CFAP61: variants seen among roughly 807,000 people sequenced by gnomAD.
CFAP61 encodes the protein cilia- and flagella-associated protein 61.
CFAP61 carries 107 observed loss-of-function variants against 135.6 expected under a neutral mutation model. That is an observed-to-expected ratio of 0.79 (90% confidence interval 0.67 to 0.93). CFAP61 has a LOEUF of 0.93. CFAP61 is among the 40% of genes least tolerant of loss of function. The pLI is 0.00. For missense variants in CFAP61, 1,507 were observed against 1,556.2 expected (o/e 0.97, Z 0.53); for synonymous variants, 575 against 578.5 (o/e 0.99, Z 0.09).
intron 12 of CFAP61, among the ~76,000 whole-genome samples, chr20:20,167,973 G>T (rs2053954747): frequency 6.6e-6 from 1 of 152,140 alleles, no homozygotes; most frequent in Non-Finnish European, 1.5e-5. Context: ...TCCAGACATG[G>T]AGTGTGAGCC....
intron 25 of CFAP61, among the ~76,000 whole-genome samples, chr20:20,315,594 A>C (rs1206990527): frequency 3.3e-5 from 5 of 151,462 alleles, no homozygotes; most frequent in African/African-American, 1.2e-4. Context: ...TTGGTGTTTT[A>C]GACATGAAGT....
At chr20:20,325,759 A>T (rs1007935170) in intron 25 of CFAP61, among the ~76,000 whole-genome samples, 23 of 152,150 alleles carry the variant, frequency 1.5e-4, no homozygotes, top group Admixed American at 6.5e-5. Context: ...ATGTGGTAAG[A>T]GTGTTTAGTT....
chr20:20,160,097 A>G (rs965627001), intron 10 of CFAP61, among the ~76,000 whole-genome samples: 1 of 152,226 alleles, frequency 6.6e-6, no homozygotes, highest in Non-Finnish European at 1.5e-5. Flanking sequence ...AACCCTGCTC[A>G]GGATCTCAGA....
chr20:20,304,908 G>C (rs781044368), intron 25 of CFAP61, among the ~76,000 whole-genome samples: 9 of 152,136 alleles, frequency 5.9e-5, no homozygotes, highest in Non-Finnish European at 1.0e-4. Context: ...CCCTGCAAAA[G>C]AGAGGTCTCG....
intron 17 of CFAP61, among the ~76,000 whole-genome samples, chr20:20,205,870 G>C (rs2056834443): frequency 6.6e-6 from 1 of 152,148 alleles, no homozygotes; most frequent in Non-Finnish European, 1.5e-5. Context: ...GGGAAAGGAA[G>C]AAAAAAATTA....
At chr20:20,319,873 T>G (rs985550862) in intron 25 of CFAP61, among the ~76,000 whole-genome samples, 2 of 152,110 alleles carry the variant, frequency 1.3e-5, no homozygotes, top group African/African-American at 4.8e-5. Flanking sequence ...CAGTGGCTGC[T>G]GATATAGAAA....
At chr20:20,316,465 T>A (rs981069701) in intron 25 of CFAP61, among the ~76,000 whole-genome samples, 1 of 151,854 alleles carries the variant, frequency 6.6e-6, no homozygotes, top group Non-Finnish European at 1.5e-5. Context: ...TTTCTAGATA[T>A]ACAGTCATGT....
chr20:20,164,205 T>G lies in CFAP61; in HGVS notation c.1182T>G (p.Cys394Trp), dbSNP rs1239660280. The G allele has an allele frequency of 6.2e-7, 1 of 1,613,848 alleles. No individual in the cohort carries two copies. The highest frequency in any genetic ancestry group is 8.5e-7 in the Non-Finnish European group (1 of 1,179,848). ...ASAAFCIQLF[C>W]IDEKYEARSL... ...CTGCTTTTTGTATTCAGCTGTTTTG[T>G]ATTGATGAGAAATATGAAGCAAGGC... The change falls in exon 11 of 27, where the codon TGT becomes TGG. Residue 394 changes from cysteine to tryptophan, a missense_variant. Transcript: ENST00000245957.
intron 26 of CFAP61, among the ~76,000 whole-genome samples, chr20:20,342,697 A>T (rs115711845): frequency 0.023 from 3,533 of 152,154 alleles, 123 homozygotes; most frequent in African/African-American, 0.08. Context: ...CACGCGCCTT[A>T]TTGGACGGCA....
In CFAP61 at chr20:20,218,655, T is replaced by C. The variant is rs113401729; in HGVS notation, c.1933-9594T>C. Among the ~76,000 whole-genome samples the C allele has an allele frequency of 9.0e-3, 1,371 of 152,342 alleles. 22 individuals carry two copies. The highest frequency in any genetic ancestry group is 0.031 in the African/African-American group (1,302 of 41,574). On this transcript the variant is annotated intron_variant, in intron 17 of 26. Coordinates refer to ENST00000245957, the MANE Select transcript of CFAP61 (RefSeq NM_015585.4). ...CACTACCATTGTCACATGTACTGCA[T>C]TTTATTTGTTTACTTGTCTGTCCCC...
chr20:20,243,328 G>A (rs2050158649), intron 18 of CFAP61, among the ~76,000 whole-genome samples: 1 of 152,144 alleles, frequency 6.6e-6, no homozygotes, highest in African/African-American at 2.4e-5. Context: ...GATGAGATTT[G>A]GGTGGAGACA....
At position 20,250,525 on chromosome 20, in the gene CFAP61, G is replaced by A. The variant is rs577068143; in HGVS notation, c.2160-1070G>A. ...GCTACTCAGGAGGCTGAGGCAGGAG[G>A]ATCACTTGAGCTCAGGAGTTTGAGA... is the stretch of plus-strand genomic sequence containing the variant. On this transcript the variant is annotated intron_variant, in intron 19 of 26. Transcript: ENST00000245957. Among the ~76,000 whole-genome samples, 5 of 152,300 alleles carry A rather than the reference G, an allele frequency of 3.3e-5. No homozygotes were observed. In the South Asian group the frequency reaches 1.0e-3, roughly 32 times the overall value.
chr20:20,321,417 G>A (rs1321693934), intron 25 of CFAP61, among the ~76,000 whole-genome samples: 1 of 152,136 alleles, frequency 6.6e-6, no homozygotes, highest in Non-Finnish European at 1.5e-5. Flanking sequence ...CATTCAAAAA[G>A]TATCTGATAA....
chr20:20,345,309 C>T (rs1484360249), intron 26 of CFAP61, among the ~76,000 whole-genome samples: 1 of 152,052 alleles, frequency 6.6e-6, no homozygotes, highest in Non-Finnish European at 1.5e-5. Flanking sequence ...GATGGATACT[C>T]CATTTACCCT....
chr20:20,097,530 A>T (rs575750630), intron 7 of CFAP61, among the ~76,000 whole-genome samples: 1 of 152,368 alleles, frequency 6.6e-6, no homozygotes, highest in East Asian at 1.9e-4. Context: ...GTGGAATATG[A>T]TAGAATTAAA....
intron 19 of CFAP61, among the ~76,000 whole-genome samples, chr20:20,248,470 C>A (rs1212829815): frequency 6.6e-6 from 1 of 152,108 alleles, no homozygotes; most frequent in Non-Finnish European, 1.5e-5. Context: ...AATTTTTGAA[C>A]CATTTCTGTC....
intron 13 of CFAP61, among the ~76,000 whole-genome samples, chr20:20,176,355 A>G (rs1361304528): frequency 1.3e-5 from 2 of 152,194 alleles, no homozygotes; most frequent in South Asian, 2.1e-4. Flanking sequence ...ATTTCTGGGT[A>G]TATACCCAAA....
intron 25 of CFAP61, among the ~76,000 whole-genome samples, chr20:20,304,297 TGTGTGTGA>T (rs933070774): frequency 2.7e-5 from 4 of 149,750 alleles, no homozygotes; most frequent in African/African-American, 5.0e-5. Context: ...TGTGTGTGTG[TGTGTGTGA>T]GAGAGAGAGA....
At chr20:20,157,604 A>G (rs914090953) in intron 9 of CFAP61, among the ~76,000 whole-genome samples, 1 of 152,246 alleles carries the variant, frequency 6.6e-6, no homozygotes, top group Non-Finnish European at 1.5e-5. Flanking sequence ...CACACCATAT[A>G]CAAAAATTAG....
Sources: allele counts gnomAD v4.1 joint callset (sites outside exome capture counted in the v4.1 genomes callset), GRCh38; gene constraint gnomAD v4.1.1; transcripts MANE v1.5; gene names NCBI Gene and HGNC (gene_info 2026-07-23, HGNC 2026-07-21).